The following C2orf66 variants were observed in gnomAD, a reference collection of about 807,000 sequenced individuals.
The protein encoded by C2orf66 is uncharacterized protein C2orf66.
Under a neutral mutation model 7.0 loss-of-function variants are expected in C2orf66, and 6 were observed. That is an observed-to-expected ratio of 0.86 (90% CI 0.47 to 1.69). The LOEUF (loss-of-function observed/expected upper bound fraction) is 1.69. Ranked by LOEUF, C2orf66 falls within the 40% of genes most tolerant of loss-of-function variation. The pLI, the probability that C2orf66 is intolerant of heterozygous loss-of-function variation, is 0.01. For synonymous variants in C2orf66, 38 were observed against 43.8 expected, an observed-to-expected ratio of 0.87 and a Z score of 0.52; for missense variants, 107 against 112.0, an observed-to-expected ratio of 0.96 and a Z score of 0.20.
At chr2:196,820,679 G>C in the C2orf66 span, among the ~76,000 whole-genome samples, 1 of 152,188 alleles carries the variant, frequency 6.6e-6, no homozygotes, top group Non-Finnish European at 1.5e-5. Flanking sequence ...ATCTAGATGT[G>C]TTTTCTTAGG....
chr2:196,811,154 A>T (rs1041176711), upstream of C2orf66, among the ~76,000 whole-genome samples: 2 of 152,140 alleles, frequency 1.3e-5, no homozygotes, highest in African/African-American at 2.4e-5. Flanking sequence ...AAGGTACTGA[A>T]ATTATGCCAG....
chr2:196,810,315 A>G (rs1262955583), upstream of C2orf66: 1 of 152,140 alleles, frequency 6.6e-6, no homozygotes, highest in African/African-American at 2.4e-5. Context: ...TCTTTTGGAG[A>G]TATGACTTTT....
intron 2 of C2orf66, among the ~76,000 whole-genome samples, chr2:196,806,443 C>T (rs924959274): frequency 2.6e-5 from 4 of 151,784 alleles, no homozygotes; most frequent in Admixed American, 6.6e-5. Context: ...TTGATCCTCC[C>T]GCCTCAGCCT....
At chr2:196,818,039 TA>T in the C2orf66 span, among the ~76,000 whole-genome samples, 1 of 152,210 alleles carries the variant, frequency 6.6e-6, no homozygotes, top group Non-Finnish European at 1.5e-5. Flanking sequence ...ATCCTCAGCT[TA>T]CGAAGATAAC....
At chr2:196,817,400 A>T in the C2orf66 span, among the ~76,000 whole-genome samples, 1 of 151,782 alleles carries the variant, frequency 6.6e-6, no homozygotes, top group Non-Finnish European at 1.5e-5. Context: ...ATTCCTGGCT[A>T]ATTTTTTTGT....
the C2orf66 span, among the ~76,000 whole-genome samples, chr2:196,821,928 C>CT: frequency 0.34 from 10,861 of 32,182 alleles, 4,917 homozygotes; most frequent in East Asian, 0.42. Flanking sequence ...AACCAGTGAG[C>CT]TTTTTTTTTT....
At chr2:196,830,705 T>G in the C2orf66 span, among the ~76,000 whole-genome samples, 4 of 152,258 alleles carry the variant, frequency 2.6e-5, no homozygotes, top group South Asian at 8.3e-4. Flanking sequence ...TCTCTTACAC[T>G]GTTTTAATTC....
chr2:196,828,516 C>T, the C2orf66 span, among the ~76,000 whole-genome samples: 1 of 152,006 alleles, frequency 6.6e-6, no homozygotes, highest in African/African-American at 2.4e-5. Flanking sequence ...TTGTATAATC[C>T]CCTCCTCTTG....
At chr2:196,809,648 T>G (rs1453562044), upstream of C2orf66, 2 of 283,498 alleles carry the variant, frequency 7.1e-6, no homozygotes, top group East Asian at 1.2e-4. Context: ...GGAAAAAAAG[T>G]ACTTTGTTGT....
the C2orf66 span, among the ~76,000 whole-genome samples, chr2:196,829,781 C>CA: frequency 1.3e-5 from 2 of 151,862 alleles, no homozygotes; most frequent in Non-Finnish European, 2.9e-5. Context: ...CCTGTAGTCC[C>CA]AGCTACTCGG....
At chr2:196,819,316 T>C in the C2orf66 span, among the ~76,000 whole-genome samples, 1 of 152,118 alleles carries the variant, frequency 6.6e-6, no homozygotes, top group African/African-American at 2.4e-5. Context: ...TCGGAGGTGA[T>C]TGGTTCATCA....
upstream of C2orf66, chr2:196,809,722 A>C (rs897235323): frequency 5.7e-6 from 1 of 176,122 alleles, no homozygotes; most frequent in Non-Finnish European, 1.2e-5. Flanking sequence ...TTTAAGCCTT[A>C]AGACAGCAGT....
chr2:196,828,717 T>C, the C2orf66 span, among the ~76,000 whole-genome samples: 6 of 152,168 alleles, frequency 3.9e-5, no homozygotes, highest in Non-Finnish European at 8.8e-5. Context: ...GAGATTCAAA[T>C]GTGAAACTCT....
chr2:196,809,574 C>T (rs1483603130), upstream of C2orf66: 4 of 443,550 alleles, frequency 9.0e-6, no homozygotes, highest in Non-Finnish European at 1.6e-5. Flanking sequence ...GAATGTTATA[C>T]AGTGATAAGC....
At chr2:196,831,266 C>T in the C2orf66 span, among the ~76,000 whole-genome samples, 8 of 152,200 alleles carry the variant, frequency 5.3e-5, no homozygotes, top group East Asian at 1.2e-3. Flanking sequence ...TTACTCAGCC[C>T]CCCTTACTGG....
the C2orf66 span, among the ~76,000 whole-genome samples, chr2:196,816,967 C>A: frequency 6.6e-6 from 1 of 152,124 alleles, no homozygotes; most frequent in Non-Finnish European, 1.5e-5. Context: ...TCAGTAGGAC[C>A]ATGATGCCCA....
chr2:196,819,249 A>G, the C2orf66 span, among the ~76,000 whole-genome samples: 1 of 152,184 alleles, frequency 6.6e-6, no homozygotes, highest in Non-Finnish European at 1.5e-5. Context: ...CCCTGACCCC[A>G]AATTCATATC....
chr2:196,810,988 G>A (rs1699869267), upstream of C2orf66, among the ~76,000 whole-genome samples: 1 of 152,214 alleles, frequency 6.6e-6, no homozygotes, highest in African/African-American at 2.4e-5. Context: ...ATAGAAAAAG[G>A]GAATTTGATT....
chr2:196,814,189 T>C (rs1467180138), upstream of C2orf66, among the ~76,000 whole-genome samples: 1 of 152,128 alleles, frequency 6.6e-6, no homozygotes, highest in Non-Finnish European at 1.5e-5. Flanking sequence ...CCATCAATGA[T>C]AGATTGGATA....
Sources: gnomAD v4.1 joint callset for allele counts (sites outside exome capture counted in the v4.1 genomes callset) on GRCh38, gnomAD v4.1.1 for gene constraint, MANE v1.5 for transcripts, NCBI Gene and HGNC (gene_info 2026-07-23, HGNC 2026-07-21) for gene names.